The following NFYA variants were observed in gnomAD, a reference collection of about 807,000 sequenced individuals.
NFYA encodes the protein CAAT-box DNA binding protein subunit A.
A neutral mutation model predicts 52.8 loss-of-function variants in NFYA; 28 were observed. The ratio of observed to expected loss-of-function variants is 0.53; its 90% CI spans 0.39 to 0.73. NFYA has a LOEUF of 0.73. Among genes scored for constraint, NFYA ranks in the 30% least tolerant of loss-of-function variants. The pLI, the probability that NFYA is intolerant of heterozygous loss-of-function variation, is 0.00. For synonymous variants in NFYA, 150 were observed against 150.7 expected, an observed-to-expected ratio of 1.00 and a Z score of 0.03; for missense variants, 234 against 427.0, an observed-to-expected ratio of 0.55 and a Z score of 3.98.
At chr6:41,091,046 A>G (rs1582034136) in intron 6 of NFYA, among the ~76,000 whole-genome samples, 2 of 152,268 alleles carry the variant, frequency 1.3e-5, no homozygotes, top group East Asian at 3.8e-4. Flanking sequence ...GAGCTCAAAC[A>G]GAATGGTGAA....
Position 41,079,156 on chromosome 6 carries a change from C to G in NFYA, c.67C>G (p.Gln23Glu). The G allele has an allele frequency of 6.2e-7, 1 of 1,614,142 alleles. No individual in the cohort carries two copies. Among genetic ancestry groups the G allele is most frequent in the Non-Finnish European group, 8.5e-7 (1 of 1,179,998 alleles). The change falls in exon 2 of 10, where the codon CAG (glutamine) becomes GAG (glutamate). Residue 23 changes from glutamine (Q) to glutamate (E), a missense_variant. This residue lies in a region of NFYA where 118 missense variants were observed against 182.4 expected (regional missense o/e 0.65). Coordinates refer to ENST00000341376, the MANE Select transcript of NFYA (RefSeq NM_002505.5). ...EQIVVQAGQIQQQQQGGVTAV... is the reference protein window; with the variant it reads ...EQIVVQAGQIEQQQQGGVTAV... ...GATTGTTGTCCAGGCAGGACAGATT[C>G]AGCAGCAGGTATGGAAGCAAAACTG...
intron 4 of NFYA, among the ~76,000 whole-genome samples, chr6:41,087,899 T>C (rs1452922469): frequency 6.6e-6 from 1 of 152,202 alleles, no homozygotes; most frequent in African/African-American, 2.4e-5. Context: ...GAAGATAGAT[T>C]TGGATAGCAC....
chr6:41,091,085 C>T (rs1183122661), intron 6 of NFYA, among the ~76,000 whole-genome samples: 1 of 152,210 alleles, frequency 6.6e-6, no homozygotes, highest in East Asian at 1.9e-4. Context: ...TATTGATAGT[C>T]TGGGGACTTG....
rs1764522565 is a variant in NFYA at position 41,102,338 on chromosome 6, G to A, written c.*4928G>A. On this transcript the variant is annotated 3_prime_UTR_variant, in exon 10 of 10. Coordinates refer to ENST00000341376, the MANE Select transcript of NFYA (RefSeq NM_002505.5). ...GACTCATTGTTCAAAGGGGGGGCAG[G>A]AGGAGCTAATTTCCTTTGCACATTT... Among the ~76,000 whole-genome samples, 1 of 152,148 alleles carries A rather than the reference G, an allele frequency of 6.6e-6. No individual in the cohort carries two copies. Among genetic ancestry groups the A allele is most frequent in the African/African-American group, 2.4e-5 (1 of 41,416 alleles).
At chr6:41,085,976 C>T (rs1262407324) in intron 4 of NFYA, among the ~76,000 whole-genome samples, 2 of 152,030 alleles carry the variant, frequency 1.3e-5, no homozygotes, top group Non-Finnish European at 2.9e-5. Context: ...ATATTTTTGC[C>T]AAGATAGAAT....
chr6:41,086,657 A>T (rs1764053810), intron 4 of NFYA, among the ~76,000 whole-genome samples: 1 of 152,208 alleles, frequency 6.6e-6, no homozygotes, highest in East Asian at 1.9e-4. Context: ...GTCCAGTCTC[A>T]TGAAAAATTC....
chr6:41,087,178 T>G (rs367683485), intron 4 of NFYA, among the ~76,000 whole-genome samples: 1 of 152,224 alleles, frequency 6.6e-6, no homozygotes, highest in East Asian at 1.9e-4. Context: ...AGAAATGAAG[T>G]TGGTTCACAT....
chr6:41,088,676 C>T (rs1764114718), intron 4 of NFYA, among the ~76,000 whole-genome samples: 1 of 151,792 alleles, frequency 6.6e-6, no homozygotes, highest in African/African-American at 2.4e-5. Context: ...CCTCTGCCTC[C>T]CAGGCTCAAA....
chr6:41,074,804 C>G (rs1216381374), intron 1 of NFYA, among the ~76,000 whole-genome samples: 1 of 152,130 alleles, frequency 6.6e-6, no homozygotes, highest in Non-Finnish European at 1.5e-5. Context: ...GAGTTTCTGA[C>G]TTGTTTATGG....
intron 2 of NFYA, 32 bp from the exon 3 acceptor site, chr6:41,080,778 CA>C: frequency 6.4e-7 from 1 of 1,567,696 alleles, no homozygotes; most frequent in Non-Finnish European, 8.8e-7. Context: ...TCCTTCCTGA[CA>C]TATTTCAAGC....
chr6:41,093,471 C>CTT (rs769282285), intron 8 of NFYA, among the ~76,000 whole-genome samples: 1 of 142,566 alleles, frequency 7.0e-6, no homozygotes. Flanking sequence ...GGTACCCTTT[C>CTT]TTTTTTTTTT....
At chr6:41,079,359 A>G (rs1456000781) in intron 2 of NFYA, among the ~76,000 whole-genome samples, 195 bp downstream of exon 2, 2 of 152,220 alleles carry the variant, frequency 1.3e-5, no homozygotes, top group Non-Finnish European at 2.9e-5. Context: ...GTGCCTGGTT[A>G]TAGTAAATTG....
intron 1 of NFYA, 54 bp from the exon 2 acceptor site, chr6:41,078,975 G>T (rs1763830865): frequency 8.9e-6 from 7 of 787,454 alleles, no homozygotes; most frequent in African/African-American, 1.7e-5. Flanking sequence ...TAATTGTCTG[G>T]TAAGGCCTTT....
chr6:41,090,657 T>G (rs762017961), intron 6 of NFYA, among the ~76,000 whole-genome samples: 8 of 152,214 alleles, frequency 5.3e-5, no homozygotes, highest in Non-Finnish European at 8.8e-5. Context: ...GCTGCTTATG[T>G]TTTTTTCTGG....
At chr6:41,077,338 A>G (rs1478183482) in intron 1 of NFYA, among the ~76,000 whole-genome samples, 1 of 152,118 alleles carries the variant, frequency 6.6e-6, no homozygotes, top group Non-Finnish European at 1.5e-5. Flanking sequence ...GATATAAAAC[A>G]TTTTCATCAC....
chr6:41,085,232 A>G (rs1019293122), intron 4 of NFYA, among the ~76,000 whole-genome samples: 1 of 152,218 alleles, frequency 6.6e-6, no homozygotes, highest in Non-Finnish European at 1.5e-5. Context: ...GTCCTATAGG[A>G]AGAAAAGCAT....
chr6:41,076,962 T>C (rs897691431), intron 1 of NFYA, among the ~76,000 whole-genome samples: 3 of 152,234 alleles, frequency 2.0e-5, no homozygotes, highest in African/African-American at 7.2e-5. Context: ...AAGCTGCTCT[T>C]CAAATCTTGA....
intron 4 of NFYA, among the ~76,000 whole-genome samples, chr6:41,084,445 T>A (rs1417809926): frequency 1.3e-5 from 2 of 152,238 alleles, no homozygotes; most frequent in African/African-American, 4.8e-5. Context: ...GGTTAGAATC[T>A]AGTTTATAGT....
At chr6:41,076,875 CCATTAA>C (rs1763746024) in intron 1 of NFYA, among the ~76,000 whole-genome samples, 1 of 152,160 alleles carries the variant, frequency 6.6e-6, no homozygotes, top group South Asian at 2.1e-4. Context: ...ATAGCATTAA[CCATTAA>C]CAGTATCAAT....
Sources: allele counts gnomAD v4.1 joint callset (sites outside exome capture counted in the v4.1 genomes callset), GRCh38; gene constraint gnomAD v4.1.1; regional missense constraint gnomAD v4.1.1; transcripts MANE v1.5; gene names NCBI Gene and HGNC (gene_info 2026-07-23, HGNC 2026-07-21).